Variants in ADAMTSL1 observed in about 807,000 individuals in gnomAD.
ADAMTSL1 encodes the protein ADAMTS-like protein 1.
A neutral mutation model predicts 201.8 loss-of-function variants in ADAMTSL1; 126 were observed. That is an observed-to-expected ratio of 0.62 (90% CI 0.54 to 0.72). ADAMTSL1 has a LOEUF of 0.72. Ranked by LOEUF, ADAMTSL1 falls within the 30% of genes least tolerant of loss-of-function variation. The pLI is 0.00. For synonymous variants in ADAMTSL1, 1,121 were observed against 903.4 expected (o/e 1.24, Z -4.32); for missense variants, 2,679 against 2,277.8 (o/e 1.18, Z -3.59).
At chr9:18,684,532 T>G (rs994706664) in intron 12 of ADAMTSL1, among the ~76,000 whole-genome samples, 184 bp from the exon 13 acceptor site, 1 of 152,226 alleles carries the variant, frequency 6.6e-6, no homozygotes, top group African/African-American at 2.4e-5. Context: ...CTAGTATTAT[T>G]AAACATTTTA....
chr9:17,967,083 T>C (rs999532360), intron 1 of ADAMTSL1, among the ~76,000 whole-genome samples: 1 of 152,120 alleles, frequency 6.6e-6, no homozygotes, highest in Non-Finnish European at 1.5e-5. Flanking sequence ...GAGAATACTA[T>C]TTCAGAACCT....
At chr9:18,029,865 T>G (rs539102577) in intron 1 of ADAMTSL1, among the ~76,000 whole-genome samples, 3 of 152,086 alleles carry the variant, frequency 2.0e-5, no homozygotes, top group Non-Finnish European at 4.4e-5. Context: ...TCACACCAGT[T>G]AGAATGGTGA....
At chr9:18,644,689 C>A (rs1827674102) in intron 7 of ADAMTSL1, among the ~76,000 whole-genome samples, 1 of 151,928 alleles carries the variant, frequency 6.6e-6, no homozygotes, top group Non-Finnish European at 1.5e-5. Flanking sequence ...TTTCCAATTT[C>A]ATCCATGTCC....
intron 4 of ADAMTSL1, among the ~76,000 whole-genome samples, chr9:18,584,712 A>G (rs1293969871): frequency 6.6e-6 from 1 of 152,112 alleles, no homozygotes; most frequent in Non-Finnish European, 1.5e-5. Flanking sequence ...CTGTGAGGGT[A>G]TTTTTGGAGG....
intron 3 of ADAMTSL1, among the ~76,000 whole-genome samples, chr9:18,556,008 T>C (rs1456337922): frequency 4.6e-5 from 7 of 150,708 alleles, no homozygotes; most frequent in Non-Finnish European, 1.5e-5. Context: ...AAAAAATACA[T>C]ATAAAAAAAG....
chr9:18,298,642 C>T (rs952058518), intron 2 of ADAMTSL1, among the ~76,000 whole-genome samples: 22 of 149,774 alleles, frequency 1.5e-4, no homozygotes, highest in Admixed American at 3.3e-4. Context: ...CCCTATAAAG[C>T]AAGCACTCTC....
At chr9:18,869,792 G>A (rs1827774088) in intron 23 of ADAMTSL1, among the ~76,000 whole-genome samples, 2 of 152,016 alleles carry the variant, frequency 1.3e-5, no homozygotes, top group South Asian at 4.2e-4. Context: ...TGACTATGAT[G>A]TGCATAGGTG....
chr9:18,008,559 A>G (rs1819924016), intron 1 of ADAMTSL1, among the ~76,000 whole-genome samples: 1 of 151,952 alleles, frequency 6.6e-6, no homozygotes, highest in Non-Finnish European at 1.5e-5. Context: ...TTACTCATGC[A>G]GAAGGAGCCA....
intron 2 of ADAMTSL1, among the ~76,000 whole-genome samples, chr9:18,254,857 A>G (rs1050003290): frequency 6.6e-6 from 1 of 152,124 alleles, no homozygotes; most frequent in African/African-American, 2.4e-5. Context: ...CTTAAATCTG[A>G]TACATAAGGA....
chr9:18,781,789 T>C (rs1821409576), intron 19 of ADAMTSL1, among the ~76,000 whole-genome samples: 1 of 152,216 alleles, frequency 6.6e-6, no homozygotes, highest in South Asian at 2.1e-4. Flanking sequence ...TGCAATTTGT[T>C]AAAGTATCCT....
rs933291526 is a variant in ADAMTSL1, at chr9:18,740,466, T to C, written c.2007-12832T>C. Reference sequence around the variant, plus strand: ...TACTCAATGTTCCTTTCTTTTTTTTTTTTTCTTTTATCTTTTTTTTTTTTT... The same window carrying C: ...TACTCAATGTTCCTTTCTTTTTTTTCTTTTCTTTTATCTTTTTTTTTTTTT... On this transcript the variant is annotated intron_variant, in intron 15 of 28. Transcript: ENST00000380548. Among the ~76,000 whole-genome samples the C allele has an allele frequency of 2.2e-5, 3 of 136,774 alleles. No homozygotes were observed. In the Admixed American group the frequency reaches 2.3e-4, roughly 10 times the overall value. 89.7% of individuals were successfully genotyped at this position (136,774 alleles called of 152,430 possible). A position where few individuals can be genotyped will look rare whatever the true frequency, so the allele number is the denominator to read the frequency against.
At chr9:18,813,788 T>C (rs116354742) in intron 20 of ADAMTSL1, among the ~76,000 whole-genome samples, 2,284 of 152,332 alleles carry the variant, frequency 0.015, 53 homozygotes, top group African/African-American at 0.05. Context: ...CCTTTCCAAT[T>C]TGAATGCCCT....
intron 5 of ADAMTSL1, among the ~76,000 whole-genome samples, chr9:18,633,094 G>A (rs1826878976): frequency 6.6e-6 from 1 of 152,190 alleles, no homozygotes; most frequent in Admixed American, 6.5e-5. Context: ...CAAGAGGGAG[G>A]CTGCATGAGC....
intron 21 of ADAMTSL1, among the ~76,000 whole-genome samples, chr9:18,825,115 C>T (rs1824465516): frequency 6.6e-6 from 1 of 152,020 alleles, no homozygotes; most frequent in Non-Finnish European, 1.5e-5. Flanking sequence ...CCCTAGAGAC[C>T]TGTGAATCCG....
chr9:17,983,068 C>CT lies in ADAMTSL1; in HGVS notation c.87+76149dup, dbSNP rs1334217552. Among the ~76,000 whole-genome samples, 38 of 97,462 alleles carry CT rather than the reference C, an allele frequency of 3.9e-4. 1 individual carries two copies. Among genetic ancestry groups the CT allele is most frequent in the Middle Eastern group, 6.8e-3 (1 of 146 alleles). The allele number at this position is 97,462 out of a possible 152,430, so 63.9% of individuals were successfully genotyped here. On this transcript the variant is annotated intron_variant, in intron 1 of 29. Coordinates refer to the ADAMTSL1 transcript ENST00000680146. The stretch of plus-strand genomic sequence containing the variant: ...CATTTTCTTTTTCTTTTCTTTCTTT[C>CT]TTTCTTTCTTTTTTTTTTTTGAGAC...
chr9:18,168,158 C>T (rs143776693), intron 2 of ADAMTSL1, among the ~76,000 whole-genome samples: 1 of 151,900 alleles, frequency 6.6e-6, no homozygotes, highest in South Asian at 2.1e-4. Context: ...TACATGTGCA[C>T]AACGTGCAGG....
intron 16 of ADAMTSL1, among the ~76,000 whole-genome samples, chr9:18,761,637 C>T (rs184645530): frequency 5.9e-5 from 9 of 152,232 alleles, no homozygotes; most frequent in Admixed American, 3.3e-4. Flanking sequence ...CCTTTGGAAA[C>T]ATTTTTTTCT....
intron 20 of ADAMTSL1, among the ~76,000 whole-genome samples, chr9:18,815,216 C>T (rs900990175): frequency 6.6e-5 from 10 of 151,938 alleles, no homozygotes; most frequent in Admixed American, 1.3e-4. Context: ...GGTATATATG[C>T]AAAGGAAATG....
intron 1 of ADAMTSL1, among the ~76,000 whole-genome samples, chr9:18,151,100 A>T (rs1944748): frequency 6.6e-6 from 1 of 151,628 alleles, no homozygotes; most frequent in African/African-American, 2.4e-5. Context: ...TGTGTTACCT[A>T]GTCCATCTAT....
Sources: gnomAD v4.1 joint callset for allele counts (sites outside exome capture counted in the v4.1 genomes callset) on GRCh38, gnomAD v4.1.1 for gene constraint, MANE v1.5 for transcripts, NCBI Gene and HGNC (gene_info 2026-07-23, HGNC 2026-07-21) for gene names.